PRKN: variants seen among roughly 807,000 people sequenced by gnomAD.
The protein encoded by PRKN is E3 ubiquitin-protein ligase parkin.
In PRKN, 56 loss-of-function variants were observed where a neutral mutation model predicts 59.5. The ratio of observed to expected loss-of-function variants is 0.94; its 90% confidence interval spans 0.76 to 1.18. The LOEUF (loss-of-function observed/expected upper bound fraction) is 1.18. Ranked by LOEUF, PRKN falls within the 50% of genes most tolerant of loss-of-function variation. PRKN has a pLI of 0.00. For synonymous variants in PRKN, 250 were observed against 222.1 expected (o/e 1.13, Z -1.12); for missense variants, 657 against 596.4 (o/e 1.10, Z -1.06).
Position 161,369,115 on chromosome 6 carries a change from C to T in PRKN, c.1168-8910G>A, listed in dbSNP as rs1785338161. On this transcript the variant is annotated intron_variant, in intron 10 of 11. Transcript: ENST00000366898. This position sits in a 1 kb window ranked among gnomAD's most constrained non-coding sequence, Gnocchi z 5.8. ...TGGTTTAGACCTTTGACTGCCACTT[C>T]CGAGAGGGGATTTCTACCAGGAGGA... Among the ~76,000 whole-genome samples, 1 of 152,176 alleles carries T rather than the reference C, an allele frequency of 6.6e-6. No homozygotes were observed. Among genetic ancestry groups the T allele is most frequent in the African/African-American group, 2.4e-5 (1 of 41,454 alleles).
chr6:161,490,944 T>A (rs116229968), intron 9 of PRKN, among the ~76,000 whole-genome samples: 1,905 of 152,206 alleles, frequency 0.013, 40 homozygotes, highest in African/African-American at 0.043. Context: ...CCTGCTCCCC[T>A]TTTGCCTTCT....
intron 7 of PRKN, among the ~76,000 whole-genome samples, chr6:161,658,712 TA>T (rs1784443955): frequency 6.6e-6 from 1 of 152,204 alleles, no homozygotes; most frequent in Non-Finnish European, 1.5e-5. Context: ...AGCAGACATT[TA>T]AAAAAATTCA....
At chr6:162,155,606 C>T (rs1317832662) in intron 4 of PRKN, among the ~76,000 whole-genome samples, 1 of 151,990 alleles carries the variant, frequency 6.6e-6, no homozygotes, top group Non-Finnish European at 1.5e-5. Context: ...GATCTCAGAA[C>T]ATTCATAGTA....
At chr6:162,016,381 T>G (rs1301514290) in intron 5 of PRKN, among the ~76,000 whole-genome samples, 1 of 152,130 alleles carries the variant, frequency 6.6e-6, no homozygotes, top group Non-Finnish European at 1.5e-5. Flanking sequence ...GACTGCCCCT[T>G]GGACAAAATA....
intron 3 of PRKN, among the ~76,000 whole-genome samples, chr6:162,221,111 T>G (rs951616335): frequency 6.6e-6 from 1 of 152,222 alleles, no homozygotes; most frequent in African/African-American, 2.4e-5. Flanking sequence ...TGGTTCCTGC[T>G]GGAATAGTTT....
intron 4 of PRKN, among the ~76,000 whole-genome samples, chr6:162,161,160 A>G (rs1332072266): frequency 1.3e-5 from 2 of 152,164 alleles, no homozygotes; most frequent in African/African-American, 4.8e-5. Context: ...ATCTATAGCA[A>G]AGCTCACAGG....
chr6:161,617,759 A>C (rs536777576), intron 7 of PRKN, among the ~76,000 whole-genome samples: 5 of 152,364 alleles, frequency 3.3e-5, no homozygotes, highest in African/African-American at 1.2e-4. Flanking sequence ...GAAGGTACAA[A>C]CATGTTTTAC....
chr6:161,589,990 T>C lies in PRKN; in HGVS notation c.872-20574A>G, dbSNP rs142302896. ...TTTTACTAGAGACAGGGTTTCACCA[T>C]GTTGGCCAGGCTCGTTTTGAACTCC... On this transcript the variant is annotated intron_variant, in intron 7 of 11. Coordinates refer to ENST00000366898, the MANE Select transcript of PRKN (RefSeq NM_004562.3). Among the ~76,000 whole-genome samples the C allele has an allele frequency of 3.5e-3, 537 of 151,406 alleles. 1 individual carries two copies. Among genetic ancestry groups the C allele is most frequent in the African/African-American group, 0.012 (512 of 41,254 alleles).
chr6:162,227,656 T>C (rs1778240363), intron 3 of PRKN, among the ~76,000 whole-genome samples: 2 of 152,164 alleles, frequency 1.3e-5, no homozygotes, highest in Non-Finnish European at 2.9e-5. Context: ...TTAATTAATC[T>C]TACTCTCTTC....
At chr6:161,862,133 T>C (rs1793928616) in intron 6 of PRKN, among the ~76,000 whole-genome samples, 1 of 152,122 alleles carries the variant, frequency 6.6e-6, no homozygotes, top group African/African-American at 2.4e-5. Flanking sequence ...CTGACTCAAA[T>C]CAAGAGCCTT....
At chr6:162,151,165 T>C (rs1782255759) in intron 4 of PRKN, among the ~76,000 whole-genome samples, 2 of 152,168 alleles carry the variant, frequency 1.3e-5, no homozygotes, top group African/African-American at 4.8e-5. Flanking sequence ...AAATTTCCTC[T>C]GTCTTGAATT....
chr6:162,396,631 ATT>A (rs1787488801), intron 2 of PRKN, among the ~76,000 whole-genome samples: 1 of 152,152 alleles, frequency 6.6e-6, no homozygotes, highest in Admixed American at 6.5e-5. Flanking sequence ...GTTAGAAAAC[ATT>A]TTTTGTTGTT....
At chr6:162,549,799 T>A (rs1779262700) in intron 1 of PRKN, among the ~76,000 whole-genome samples, 1 of 152,098 alleles carries the variant, frequency 6.6e-6, no homozygotes, top group African/African-American at 2.4e-5. Flanking sequence ...ACACCATGCC[T>A]GGCTAATTTT....
intron 1 of PRKN, among the ~76,000 whole-genome samples, chr6:162,472,804 T>TTATATATA (rs1290741228): frequency 1.1e-5 from 1 of 94,174 alleles, no homozygotes; most frequent in Non-Finnish European, 2.4e-5. Flanking sequence ...AACTTTTATT[T>TTATATATA]TATATATATA....
rs990803900 is a variant in PRKN at position 161,445,641 on chromosome 6, T to G, written c.1084-58764A>C. Among the ~76,000 whole-genome samples, 2 of 152,092 alleles carry G rather than the reference T, an allele frequency of 1.3e-5. No individual in the cohort carries two copies. The highest frequency in any genetic ancestry group is 4.8e-5 in the African/African-American group (2 of 41,408). On this transcript the variant is annotated intron_variant, in intron 9 of 11. Coordinates refer to ENST00000366898, the MANE Select transcript of PRKN (RefSeq NM_004562.3). This position sits in a 1 kb window ranked among gnomAD's most constrained non-coding sequence, Gnocchi z 7.7. ...CCGTGCTGCAGCTGAATGGGATCGG[T>G]GCAGCATGATAGAGGCCAGCTGCCC...
intron 6 of PRKN, among the ~76,000 whole-genome samples, chr6:161,856,568 T>C (rs1793663300): frequency 6.6e-6 from 1 of 152,150 alleles, no homozygotes; most frequent in African/African-American, 2.4e-5. Context: ...TTACCATAAA[T>C]GGTGACTGTA....
rs532601831 is a variant in PRKN, at chr6:162,628,946, G to A, written c.7+98716C>T. ...GGAAACTGTACTAAAATAATGTCTCGTACTATTTTACAATTATTTTATTAT... is the reference window on the plus strand; with the variant it reads ...GGAAACTGTACTAAAATAATGTCTCATACTATTTTACAATTATTTTATTAT... On this transcript the variant is annotated intron_variant, in intron 1 of 11. Transcript: ENST00000366898. Among the ~76,000 whole-genome samples the A allele has an allele frequency of 1.8e-4, 28 of 152,034 alleles. No individual in the cohort carries two copies. The South Asian group carries it at 5.0e-3, about 27-fold the overall frequency.
intron 2 of PRKN, among the ~76,000 whole-genome samples, chr6:162,398,036 CAAAA>C (rs10707854): frequency 2.4e-5 from 2 of 83,742 alleles, no homozygotes; most frequent in Admixed American, 1.5e-4. Flanking sequence ...GATTCTGACT[CAAAA>C]AAAAAAAAAA....
At chr6:161,874,777 A>C (rs1274809093) in intron 6 of PRKN, among the ~76,000 whole-genome samples, 1 of 121,460 alleles carries the variant, frequency 8.2e-6, no homozygotes, top group African/African-American at 3.4e-5. Context: ...TATAATATAT[A>C]AAATGTATAA....
Sources: gnomAD v4.1 joint callset for allele counts (sites outside exome capture counted in the v4.1 genomes callset) on GRCh38, gnomAD v4.1.1 for gene constraint, Gnocchi (gnomAD v3.1) non-coding constraint, MANE v1.5 for transcripts, NCBI Gene and HGNC (gene_info 2026-07-23, HGNC 2026-07-21) for gene names.